LDB2: variants seen among roughly 807,000 people sequenced by gnomAD.
LDB2 encodes LIM domain-binding protein 2.
A neutral mutation model predicts 44.3 loss-of-function variants in LDB2; 12 were observed. The ratio of observed to expected loss-of-function variants is 0.27; its 90% CI spans 0.17 to 0.44. The LOEUF (loss-of-function observed/expected upper bound fraction) is 0.44, where lower values mean the gene tolerates loss of function less well. Among genes scored for constraint, LDB2 ranks in the 20% least tolerant of loss-of-function variants. LDB2 has a pLI of 1.00. For missense variants in LDB2, 344 were observed against 473.5 expected (o/e 0.73, Z 2.54); for synonymous variants, 164 against 174.8 (o/e 0.94, Z 0.49).
Position 16,897,957 on chromosome 4 carries a change from T to A in LDB2, c.132+397A>T, listed in dbSNP as rs1472560698. On this transcript the variant is annotated intron_variant, in intron 1 of 7. Transcript: ENST00000304523. ...ATATATACACATATGTATATATATA[T>A]ATATATATATATATATACACATATG... Among the ~76,000 whole-genome samples, 248 of 74,374 alleles carry A rather than the reference T, an allele frequency of 3.3e-3. 5 individuals are homozygous for A. The highest frequency in any genetic ancestry group is 8.0e-3 in the Admixed American group (52 of 6,476). 48.8% of individuals were successfully genotyped at this position (74,374 alleles called of 152,430 possible).
chr4:16,509,254 A>T (rs546739752), intron 6 of LDB2, among the ~76,000 whole-genome samples: 7 of 152,158 alleles, frequency 4.6e-5, no homozygotes, highest in Non-Finnish European at 1.0e-4. Context: ...TCAGCTGTGG[A>T]TGTGGAGCTT....
intron 2 of LDB2, among the ~76,000 whole-genome samples, chr4:16,667,750 A>G (rs1211303359): frequency 2.0e-5 from 3 of 152,188 alleles, no homozygotes; most frequent in Non-Finnish European, 4.4e-5. Context: ...TGCTGGGATC[A>G]ATTAGCAACT....
chr4:16,850,376 A>T (rs1787957431), intron 1 of LDB2, among the ~76,000 whole-genome samples: 1 of 152,224 alleles, frequency 6.6e-6, no homozygotes, highest in Admixed American at 6.5e-5. Context: ...ATGCAAAAAA[A>T]AAATTTGATG....
chr4:16,546,272 A>C (rs890877655), intron 5 of LDB2, among the ~76,000 whole-genome samples: 3 of 152,270 alleles, frequency 2.0e-5, no homozygotes, highest in African/African-American at 7.2e-5. Context: ...GCATTTAAGA[A>C]GCACAGGTAT....
chr4:16,879,362 A>G (rs1719377819), intron 1 of LDB2, among the ~76,000 whole-genome samples: 1 of 152,172 alleles, frequency 6.6e-6, no homozygotes, highest in Non-Finnish European at 1.5e-5. Flanking sequence ...GTTAAGCATT[A>G]TCTCTGGGTA....
chr4:16,594,037 C>G (rs1720015100), intron 3 of LDB2, among the ~76,000 whole-genome samples: 1 of 151,870 alleles, frequency 6.6e-6, no homozygotes, highest in African/African-American at 2.4e-5. Flanking sequence ...TGGCTACTGG[C>G]TTTGGAAGCA....
chr4:16,631,297 A>T (rs1731887192), intron 2 of LDB2, among the ~76,000 whole-genome samples: 1 of 152,176 alleles, frequency 6.6e-6, no homozygotes, highest in South Asian at 2.1e-4. Flanking sequence ...AAACCACACA[A>T]CTACATGGAA....
At chr4:16,638,008 C>G (rs1475377910) in intron 2 of LDB2, among the ~76,000 whole-genome samples, 1 of 152,136 alleles carries the variant, frequency 6.6e-6, no homozygotes, top group Non-Finnish European at 1.5e-5. Flanking sequence ...ATTTTTAAAG[C>G]ACGATATTAA....
At chr4:16,635,953 T>A (rs1299756654) in intron 2 of LDB2, among the ~76,000 whole-genome samples, 2 of 152,224 alleles carry the variant, frequency 1.3e-5, no homozygotes, top group African/African-American at 4.8e-5. Context: ...ATTTTTAATG[T>A]CCTAGTTTCT....
In LDB2 at chr4:16,690,832, T is replaced by C. The variant is rs370854172; in HGVS notation, c.235+68326A>G. 4.7e-4 allele frequency among the ~76,000 whole-genome samples: 71 copies of C among 152,230 alleles called. 1 individual carries two copies. The South Asian group carries it at 0.015, about 31-fold the overall frequency. On this transcript the variant is annotated intron_variant, in intron 2 of 7. Transcript: ENST00000304523. ...GTGGTAAACTTCTTAAACCTTAAAC[T>C]CCATTGTTGACTGAATTCTAGAAGT...
chr4:16,563,697 A>T (rs190191865), intron 5 of LDB2, among the ~76,000 whole-genome samples: 1 of 149,988 alleles, frequency 6.7e-6, no homozygotes, highest in East Asian at 2.0e-4. Flanking sequence ...TGACCTCGTG[A>T]TCTGCCCGCC....
chr4:16,757,931 C>T (rs879604085), intron 2 of LDB2, among the ~76,000 whole-genome samples: 16 of 152,038 alleles, frequency 1.1e-4, no homozygotes, highest in Admixed American at 4.6e-4. Context: ...CCCCTCCTCT[C>T]GCCCAAAATA....
At chr4:16,565,921 T>C (rs1429293970) in intron 5 of LDB2, among the ~76,000 whole-genome samples, 3 of 151,952 alleles carry the variant, frequency 2.0e-5, no homozygotes, top group Non-Finnish European at 4.4e-5. Context: ...TATGTACATA[T>C]ATATGTCTAA....
intron 1 of LDB2, among the ~76,000 whole-genome samples, chr4:16,791,362 C>T (rs1236331539): frequency 2.6e-5 from 4 of 151,922 alleles, no homozygotes; most frequent in Non-Finnish European, 5.9e-5. Context: ...CGAGACCAGC[C>T]TGGCCAACAT....
intron 5 of LDB2, among the ~76,000 whole-genome samples, chr4:16,563,150 G>A (rs985228861): frequency 2.6e-5 from 4 of 151,408 alleles, no homozygotes; most frequent in African/African-American, 7.3e-5. Flanking sequence ...ACACCAGCAT[G>A]GCACATGTAT....
intron 7 of LDB2, chr4:16,505,984 T>C (rs757763324): frequency 7.7e-6 from 12 of 1,550,814 alleles, no homozygotes; most frequent in Non-Finnish European, 1.0e-5. Context: ...TCCTAGCCCC[T>C]GCTCATGGAG....
intron 1 of LDB2, among the ~76,000 whole-genome samples, chr4:16,850,727 G>A (rs1788055033): frequency 6.6e-6 from 1 of 152,162 alleles, no homozygotes; most frequent in Non-Finnish European, 1.5e-5. Context: ...TCTGGATTGG[G>A]TAGAAAGTGG....
chr4:16,704,286 G>C (rs1754127253), intron 2 of LDB2, among the ~76,000 whole-genome samples: 1 of 151,984 alleles, frequency 6.6e-6, no homozygotes, highest in African/African-American at 2.4e-5. Flanking sequence ...ATTCCCTTTT[G>C]TTTAAATTAA....
chr4:16,673,604 C>T (rs1745483658), intron 2 of LDB2, among the ~76,000 whole-genome samples: 5 of 152,106 alleles, frequency 3.3e-5, no homozygotes, highest in Admixed American at 2.6e-4. Context: ...AGGAGAGCAC[C>T]CTTCTCCATG....
Sources: gnomAD v4.1 joint callset for allele counts (sites outside exome capture counted in the v4.1 genomes callset) on GRCh38, gnomAD v4.1.1 for gene constraint, MANE v1.5 for transcripts, NCBI Gene and HGNC (gene_info 2026-07-23, HGNC 2026-07-21) for gene names.